The following PTPRU variants were observed in gnomAD, a reference collection of about 807,000 sequenced individuals.
The protein encoded by PTPRU is protein tyrosine phosphatase receptor type U, also known as receptor-type tyrosine-protein phosphatase U.
Under a neutral mutation model 166.3 loss-of-function variants are expected in PTPRU, and 69 were observed. That is an observed-to-expected ratio of 0.41 (90% CI 0.34 to 0.51). The LOEUF (loss-of-function observed/expected upper bound fraction) is 0.51. PTPRU is among the 20% of genes least tolerant of loss of function. The probability of loss-of-function intolerance (pLI) is 0.09; values close to 1 mark genes in which losing one functional copy is unlikely to be tolerated. For missense variants in PTPRU, 1,657 were observed against 2,013.7 expected (o/e 0.82, Z 3.39); for synonymous variants, 793 against 814.0 (o/e 0.97, Z 0.44).
intron 7 of PTPRU, among the ~76,000 whole-genome samples, chr1:29,272,113 A>C (rs1438449335): frequency 6.6e-6 from 1 of 152,222 alleles, no homozygotes; most frequent in Non-Finnish European, 1.5e-5. Context: ...GCAAGTGAGC[A>C]CACCCCAGAT....
chr1:29,279,560 C>A lies in PTPRU; in HGVS notation c.1668C>A (p.Asn556Lys), dbSNP rs747407994. Residue 556 changes from asparagine (N) to lysine (K), a missense_variant, in exon 10 of 30, where the codon AAC becomes AAA. Coordinates refer to ENST00000373779, the MANE Select transcript of PTPRU (RefSeq NM_133178.4). This position sits in a 1 kb window ranked among gnomAD's most constrained non-coding sequence, Gnocchi z 5.2. ...LRNETYHVFSNLHPGTTYLFS... is the reference protein window; with the variant it reads ...LRNETYHVFSKLHPGTTYLFS... ...ATGAGACCTACCATGTCTTCTCCAACCTGCACCCAGGCACCACCTACCTGT... is the reference window on the plus strand; with the variant it reads ...ATGAGACCTACCATGTCTTCTCCAAACTGCACCCAGGCACCACCTACCTGT... 9.9e-6 allele frequency: 16 copies of A among 1,614,110 alleles called. No individual in the cohort carries two copies. Among genetic ancestry groups the A allele is most frequent in the Non-Finnish European group, 1.1e-5 (13 of 1,180,054 alleles).
In PTPRU at chr1:29,315,711, G is replaced by A. The variant is rs1382476584; in HGVS notation, c.3363+204G>A. Among the ~76,000 whole-genome samples, 1 of 152,154 alleles carries A rather than the reference G, an allele frequency of 6.6e-6. No individual in the cohort carries two copies. The highest frequency in any genetic ancestry group is 2.4e-5 in the African/African-American group (1 of 41,420). Reference sequence around the variant, plus strand: ...TTCTGTTGGGTGGGGTCAGACAACCGGTCCTGTAGCTGACATACCTGGGAT... The same window carrying A: ...TTCTGTTGGGTGGGGTCAGACAACCAGTCCTGTAGCTGACATACCTGGGAT... On this transcript the variant is annotated intron_variant, in intron 23 of 29. Coordinates refer to ENST00000373779, the MANE Select transcript of PTPRU (RefSeq NM_133178.4). This position sits in a 1 kb window ranked among gnomAD's most constrained non-coding sequence, Gnocchi z 4.5.
chr1:29,282,781 C>A lies in PTPRU; in HGVS notation c.1974C>A (p.Ala658=). 6.2e-7 allele frequency: 1 copy of A among 1,614,140 alleles called. No individual in the cohort carries two copies. The change falls in exon 12 of 30, where the codon GCC becomes GCA. Residue 658 remains alanine, a synonymous_variant. Coordinates refer to ENST00000373779, the MANE Select transcript of PTPRU (RefSeq NM_133178.4). ...CATTGACCTTCGAGGCGGCGCTGGCCCGAGGCCTGGTGCACTACTTCGGGG... is the reference window on the plus strand; with the variant it reads ...CATTGACCTTCGAGGCGGCGCTGGCACGAGGCCTGGTGCACTACTTCGGGG... The part of the protein sequence containing the change: ...PVPLTFEAAL[A]RGLVHYFGAE...
intron 22 of PTPRU, among the ~76,000 whole-genome samples, chr1:29,314,793 G>T (rs1261881647): frequency 6.6e-6 from 1 of 152,032 alleles, no homozygotes; most frequent in African/African-American, 2.4e-5. Context: ...TGGCCAGGCT[G>T]GTCTCGAACT....
At position 29,283,853 on chromosome 1, in the gene PTPRU, G is replaced by A. The variant is rs910625328; in HGVS notation, c.2143-87G>A. The A allele has an allele frequency of 9.3e-6, 14 of 1,499,386 alleles. No homozygotes were observed. The African/African-American group carries it at 1.8e-4, about 19-fold the overall frequency. 92.9% of individuals were successfully genotyped at this position (1,499,386 alleles called of 1,614,324 possible). A position where few individuals can be genotyped will look rare whatever the true frequency, so the allele number is the denominator to read the frequency against. On this transcript the variant is annotated intron_variant, in intron 12 of 29. Transcript: ENST00000373779. ...CAGCACAAGACAAAGCCCTGAACAGGCCCAAGAAACGCTGTCTGAGGTTCC... is the reference window on the plus strand; with the variant it reads ...CAGCACAAGACAAAGCCCTGAACAGACCCAAGAAACGCTGTCTGAGGTTCC...
chr1:29,285,766 C>A (rs1240777293), intron 14 of PTPRU, among the ~76,000 whole-genome samples: 1 of 152,236 alleles, frequency 6.6e-6, no homozygotes. Flanking sequence ...GAAGGCTGAG[C>A]AGCAGTGCTG....
intron 7 of PTPRU, among the ~76,000 whole-genome samples, chr1:29,261,959 A>T (rs12740691): frequency 0.021 from 3,135 of 152,348 alleles, 33 homozygotes; most frequent in Middle Eastern, 0.095. Context: ...GCAAAACTAT[A>T]GCATAATATC....
intron 18 of PTPRU, chr1:29,307,136 T>A: frequency 1.9e-6 from 3 of 1,613,566 alleles, no homozygotes; most frequent in Non-Finnish European, 2.5e-6. Flanking sequence ...AAGATTCGGA[T>A]AAACCGAGAA....
Position 29,279,536 on chromosome 1 carries a change from T to C in PTPRU, c.1644T>C (p.Asn548=). 1 of 1,614,174 alleles carries C rather than the reference T, an allele frequency of 6.2e-7. No individual in the cohort carries two copies. The highest frequency in any genetic ancestry group is 8.5e-7 in the Non-Finnish European group (1 of 1,180,016). ...GACGTACCATCTCCAAGCTCCGCAA[T>C]GAGACCTACCATGTCTTCTCCAACC... The part of the protein sequence containing the change: ...GPRRTISKLR[N]ETYHVFSNLH... Residue 548 remains asparagine (N), a synonymous_variant, in exon 10 of 30, where the codon AAT becomes AAC. Coordinates refer to ENST00000373779, the MANE Select transcript of PTPRU (RefSeq NM_133178.4). The surrounding 1 kb of genome is among the most constrained non-coding windows in gnomAD (Gnocchi z 5.2).
chr1:29,287,672 G>A (rs1275823473), intron 14 of PTPRU, among the ~76,000 whole-genome samples: 1 of 150,534 alleles, frequency 6.6e-6, no homozygotes, highest in African/African-American at 2.5e-5. Flanking sequence ...TCAGCTCACT[G>A]CAAGCTCTGC....
In PTPRU at chr1:29,315,897, C is replaced by A; in HGVS notation, c.3364-105C>A. 9 of 1,393,618 alleles carry A rather than the reference C, an allele frequency of 6.5e-6. No homozygotes were observed. The highest frequency in any genetic ancestry group is 8.8e-6 in the Non-Finnish European group (9 of 1,024,534). 86.3% of individuals were successfully genotyped at this position (1,393,618 alleles called of 1,614,324 possible). ...AGCCTGTAGTAACATGGTTGGCCTC[C>A]ACCTCAGGACACCCTGCTTCAACCT... is the stretch of plus-strand genomic sequence containing the variant. On this transcript the variant is annotated intron_variant, in intron 23 of 29. Coordinates refer to ENST00000373779, the MANE Select transcript of PTPRU (RefSeq NM_133178.4). The surrounding 1 kb of genome is among the most constrained non-coding windows in gnomAD (Gnocchi z 4.5).
chr1:29,278,988 G>C, intron 8 of PTPRU, 24 bp from the exon 9 acceptor site: 2 of 1,550,096 alleles, frequency 1.3e-6, no homozygotes, highest in Non-Finnish European at 8.8e-7. Context: ...CTTTCCCCTG[G>C]CCCCTGCTGC....
In PTPRU at chr1:29,238,215, GTGTT is replaced by G. The variant is rs1313780591; in HGVS notation, c.73+1502_73+1505del. The stretch of plus-strand genomic sequence containing the variant: ...AGCTGAATGTATGTATACGGAGCCT[GTGTT>G]TGTGTGTCCGTGTGCTCGTCGGAGT... On this transcript the variant is annotated intron_variant, in intron 1 of 29. Coordinates refer to ENST00000373779, the MANE Select transcript of PTPRU (RefSeq NM_133178.4). This position sits in a 1 kb window ranked among gnomAD's most constrained non-coding sequence, Gnocchi z 6.1. Among the ~76,000 whole-genome samples, 6 of 152,168 alleles carry G rather than the reference GTGTT, an allele frequency of 3.9e-5. No individual in the cohort carries two copies. Among genetic ancestry groups the G allele is most frequent in the East Asian group, 1.9e-4 (1 of 5,142 alleles).
At chr1:29,272,013 C>A (rs1454313898) in intron 7 of PTPRU, among the ~76,000 whole-genome samples, 1 of 152,158 alleles carries the variant, frequency 6.6e-6, no homozygotes, top group Non-Finnish European at 1.5e-5. Flanking sequence ...GCCACCTCGG[C>A]TCTTGTAGAC....
intron 15 of PTPRU, among the ~76,000 whole-genome samples, chr1:29,293,371 C>T (rs956217047): frequency 3.3e-5 from 5 of 152,144 alleles, no homozygotes; most frequent in Non-Finnish European, 5.9e-5. Context: ...TTGATCTGTC[C>T]GCCTCAGCCT....
rs549938102 is a variant in PTPRU, at chr1:29,320,821, C to T, written c.3824C>T (p.Ala1275Val). Residue 1275 changes from alanine (A) to valine (V), a missense_variant, in exon 26 of 30, where the codon GCC (alanine) becomes GTC (valine). By Grantham distance (64) the Ala-to-Val change is moderately conservative. Coordinates refer to ENST00000373779, the MANE Select transcript of PTPRU (RefSeq NM_133178.4). The surrounding 1 kb of genome is among the most constrained non-coding windows in gnomAD (Gnocchi z 5.2). ...AACCAGCTGAACCAGTCCAACTCCG[C>T]CTGGGTGAGGCCTCCACTGGCCAGG... Reference protein sequence around the residue: ...MLNQLNQSNSAWPCLQYWPEP... With the variant: ...MLNQLNQSNSVWPCLQYWPEP... 2.5e-6 allele frequency: 4 copies of T among 1,577,144 alleles called. No homozygotes were observed. The African/African-American group carries it at 4.0e-5, about 16-fold the overall frequency.
At chr1:29,252,151 C>T (rs1191447514) in intron 1 of PTPRU, among the ~76,000 whole-genome samples, 1 of 152,204 alleles carries the variant, frequency 6.6e-6, no homozygotes, top group Non-Finnish European at 1.5e-5. Flanking sequence ...TACTTCATCC[C>T]AACTGCTTGG....
At chr1:29,263,053 C>T (rs761492722) in intron 7 of PTPRU, among the ~76,000 whole-genome samples, 2 of 152,150 alleles carry the variant, frequency 1.3e-5, no homozygotes, top group Non-Finnish European at 2.9e-5. Context: ...GGCGTGATCT[C>T]GGCTCACTGC....
chr1:29,299,172 A>G (rs1271709910), intron 15 of PTPRU, among the ~76,000 whole-genome samples: 2 of 152,136 alleles, frequency 1.3e-5, no homozygotes, highest in East Asian at 3.9e-4. Flanking sequence ...CAGAATTTGA[A>G]TTCAGGTCTC....
Sources: gnomAD v4.1 joint callset for allele counts (sites outside exome capture counted in the v4.1 genomes callset) on GRCh38, gnomAD v4.1.1 for gene constraint, Gnocchi (gnomAD v3.1) non-coding constraint, MANE v1.5 for transcripts, NCBI Gene and HGNC (gene_info 2026-07-23, HGNC 2026-07-21) for gene names.